The following GLRA3 variants were observed in gnomAD, a reference collection of about 807,000 sequenced individuals.
GLRA3 encodes glycine receptor alpha 3, also known as glycine receptor subunit alpha-3.
Under a neutral mutation model 60.4 loss-of-function variants are expected in GLRA3, and 44 were observed. That is an observed-to-expected ratio of 0.73 (90% CI 0.57 to 0.94). The LOEUF (loss-of-function observed/expected upper bound fraction) is 0.94. Among genes scored for constraint, GLRA3 ranks in the 40% least tolerant of loss-of-function variants. The pLI, the probability that GLRA3 is intolerant of heterozygous loss-of-function variation, is 0.00. For synonymous variants in GLRA3, 223 were observed against 192.9 expected, an observed-to-expected ratio of 1.16 and a Z score of -1.29; for missense variants, 508 against 564.6, an observed-to-expected ratio of 0.90 and a Z score of 1.02.
chr4:174,657,609 G>A, intron 8 of GLRA3, among the ~76,000 whole-genome samples: 1 of 152,006 alleles, frequency 6.6e-6, no homozygotes, highest in Non-Finnish European at 1.5e-5. Context: ...TGTTCAACCG[G>A]TGCCAGTTAT....
rs1390129771 is a variant in GLRA3, at chr4:174,677,372, T to A, written c.713-80A>T. ...CATCAAATATCACAATTTCTCTTTT[T>A]TTTTTGAGACAGGGTCTCACTCTGT... On this transcript the variant is annotated intron_variant, in intron 6 of 9. Coordinates refer to ENST00000274093, the MANE Select transcript of GLRA3 (RefSeq NM_006529.4). The A allele has an allele frequency of 6.0e-6, 5 of 829,450 alleles. No homozygotes were observed. In the Admixed American group the frequency reaches 1.0e-4, roughly 17 times the overall value. 51.4% of individuals were successfully genotyped at this position (829,450 alleles called of 1,614,324 possible). A position where few individuals can be genotyped will look rare whatever the true frequency, so the allele number is the denominator to read the frequency against.
intron 9 of GLRA3, among the ~76,000 whole-genome samples, chr4:174,653,138 G>C (rs1733080840): frequency 6.6e-6 from 1 of 151,782 alleles, no homozygotes; most frequent in Non-Finnish European, 1.5e-5. Context: ...AAAAAACAAA[G>C]GAAAATTAAA....
In GLRA3 at chr4:174,642,275, A is replaced by C; in HGVS notation, c.*1511T>G. 1 of 946,426 alleles carries C rather than the reference A, an allele frequency of 1.1e-6. No homozygotes were observed. Among genetic ancestry groups the C allele is most frequent in the Non-Finnish European group, 1.3e-6 (1 of 794,540 alleles). 58.6% of individuals were successfully genotyped at this position (946,426 alleles called of 1,614,324 possible). On this transcript the variant is annotated 3_prime_UTR_variant, in exon 10 of 10. Coordinates refer to ENST00000274093, the MANE Select transcript of GLRA3 (RefSeq NM_006529.4). ...ATTTGAAAGTGGTTGAAGGGTAGAA[A>C]ATAGCATCTTGTTAAAGAACTGGCT...
intron 2 of GLRA3, among the ~76,000 whole-genome samples, chr4:174,770,564 T>A (rs569702304): frequency 6.6e-6 from 1 of 151,622 alleles, no homozygotes; most frequent in Non-Finnish European, 1.5e-5. Context: ...ACAGAGTAGA[T>A]GCTATGTACT....
chr4:174,776,092 G>A (rs1161138270), intron 2 of GLRA3, among the ~76,000 whole-genome samples: 1 of 152,072 alleles, frequency 6.6e-6, no homozygotes, highest in African/African-American at 2.4e-5. Flanking sequence ...TATTTCTGTT[G>A]AGCAACGGTT....
At position 174,813,954 on chromosome 4, in the gene GLRA3, A is replaced by T. The variant is rs116064380; in HGVS notation, c.71+14787T>A. 5.3e-3 allele frequency among the ~76,000 whole-genome samples: 800 copies of T among 152,152 alleles called. 5 individuals carry two copies. The highest frequency in any genetic ancestry group is 0.018 in the African/African-American group (763 of 41,518). On this transcript the variant is annotated intron_variant, in intron 1 of 9. Coordinates refer to ENST00000274093, the MANE Select transcript of GLRA3 (RefSeq NM_006529.4). The stretch of plus-strand genomic sequence containing the variant: ...CGTTTACTCAGCCCACAGCTCTCAA[A>T]CCCTCACGGGAAGGGGAGCACACAG...
chr4:174,648,874 T>C (rs1732931251), intron 9 of GLRA3, among the ~76,000 whole-genome samples: 1 of 152,096 alleles, frequency 6.6e-6, no homozygotes, highest in Admixed American at 6.5e-5. Context: ...TTGACAGGAT[T>C]TCTGTGAACT....
At chr4:174,781,844 G>A (rs562241172) in intron 2 of GLRA3, among the ~76,000 whole-genome samples, 1 of 152,274 alleles carries the variant, frequency 6.6e-6, no homozygotes, top group Non-Finnish European at 1.5e-5. Context: ...ACCAAAAAGA[G>A]TCCAGGACCA....
intron 8 of GLRA3, among the ~76,000 whole-genome samples, chr4:174,657,056 T>C (rs1733236268): frequency 1.3e-5 from 2 of 152,312 alleles, no homozygotes; most frequent in South Asian, 4.1e-4. Context: ...TAATAAGATA[T>C]GATTGTTTTT....
intron 1 of GLRA3, among the ~76,000 whole-genome samples, chr4:174,797,125 T>C (rs953564913): frequency 2.0e-5 from 3 of 152,140 alleles, no homozygotes; most frequent in Admixed American, 6.5e-5. Flanking sequence ...TTAAGTTTTT[T>C]AAAACTCAGG....
At chr4:174,686,573 T>A (rs1372063533) in intron 5 of GLRA3, among the ~76,000 whole-genome samples, 1 of 152,214 alleles carries the variant, frequency 6.6e-6, no homozygotes, top group Non-Finnish European at 1.5e-5. Context: ...GAAGATGTCC[T>A]GCTAGGCTTC....
intron 7 of GLRA3, among the ~76,000 whole-genome samples, chr4:174,668,359 G>A (rs1028056025): frequency 1.3e-5 from 2 of 152,126 alleles, no homozygotes; most frequent in African/African-American, 4.8e-5. Context: ...ACTTTTGATA[G>A]GATTATTGAA....
At chr4:174,717,282 AAGAG>A (rs1358689855) in intron 4 of GLRA3, among the ~76,000 whole-genome samples, 1 of 149,030 alleles carries the variant, frequency 6.7e-6, no homozygotes, top group African/African-American at 2.5e-5. Context: ...GAGAGAGAGA[AAGAG>A]AGAGAAAGAA....
intron 2 of GLRA3, among the ~76,000 whole-genome samples, chr4:174,787,549 C>T (rs1468894317): frequency 3.1e-5 from 4 of 128,754 alleles, no homozygotes; most frequent in South Asian, 2.8e-4. Flanking sequence ...TATATTGTAC[C>T]CTGTAAGCTG....
At position 174,766,958 on chromosome 4, in the gene GLRA3, C is replaced by G; in HGVS notation, c.267+5G>C. 1 of 1,519,396 alleles carries G rather than the reference C, an allele frequency of 6.6e-7. No homozygotes were observed. The highest frequency in any genetic ancestry group is 9.1e-7 in the Non-Finnish European group (1 of 1,099,706). The allele number at this position is 1,519,396 out of a possible 1,614,324, so 94.1% of individuals were successfully genotyped here. A position where few individuals can be genotyped will look rare whatever the true frequency, so the allele number is the denominator to read the frequency against. ...GTGAAACTTGTTGCAAAGTAAAATG[C>G]CTACCATGGTCGTCTCTGCGATAGA... On this transcript the variant is annotated splice_donor_5th_base_variant and intron_variant, in intron 3 of 9. Coordinates refer to ENST00000274093, the MANE Select transcript of GLRA3 (RefSeq NM_006529.4).
intron 4 of GLRA3, among the ~76,000 whole-genome samples, chr4:174,718,474 A>T (rs1192609505): frequency 6.6e-6 from 1 of 152,230 alleles, no homozygotes; most frequent in Non-Finnish European, 1.5e-5. Flanking sequence ...AATGTTTAAA[A>T]AGCTGATAAT....
intron 6 of GLRA3, among the ~76,000 whole-genome samples, chr4:174,679,192 G>T (rs1051467214): frequency 6.6e-6 from 1 of 151,990 alleles, no homozygotes; most frequent in Non-Finnish European, 1.5e-5. Context: ...TTAGCCAGTC[G>T]TGGTGGTGGG....
chr4:174,673,278 T>C (rs908814188), intron 7 of GLRA3, among the ~76,000 whole-genome samples: 25 of 152,180 alleles, frequency 1.6e-4, no homozygotes, highest in African/African-American at 5.8e-4. Context: ...ATTTTGTCTC[T>C]TCTACTGATT....
In GLRA3 at chr4:174,642,281, A is replaced by G; in HGVS notation, c.*1505T>C. 1 of 946,320 alleles carries G rather than the reference A, an allele frequency of 1.1e-6. No homozygotes were observed. Among genetic ancestry groups the G allele is most frequent in the Non-Finnish European group, 1.3e-6 (1 of 794,474 alleles). 58.6% of individuals were successfully genotyped at this position (946,320 alleles called of 1,614,324 possible). A position where few individuals can be genotyped will look rare whatever the true frequency, so the allele number is the denominator to read the frequency against. On this transcript the variant is annotated 3_prime_UTR_variant, in exon 10 of 10. Transcript: ENST00000274093. ...AAGTGGTTGAAGGGTAGAAAATAGC[A>G]TCTTGTTAAAGAACTGGCTTTTCTA...
Sources: gnomAD v4.1 joint callset for allele counts (sites outside exome capture counted in the v4.1 genomes callset) on GRCh38, gnomAD v4.1.1 for gene constraint, MANE v1.5 for transcripts, NCBI Gene and HGNC (gene_info 2026-07-23, HGNC 2026-07-21) for gene names.